Variants in MARCHF4 observed in about 807,000 individuals in gnomAD.
The protein encoded by MARCHF4 is membrane associated ring-CH-type finger 4.
Under a neutral mutation model 43.9 loss-of-function variants are expected in MARCHF4, and 14 were observed. The ratio of observed to expected loss-of-function variants is 0.32; its 90% CI spans 0.21 to 0.50. The LOEUF (loss-of-function observed/expected upper bound fraction) is 0.50, where lower values mean the gene tolerates loss of function less well. MARCHF4 is among the 20% of genes least tolerant of loss of function. MARCHF4 has a pLI of 0.98. For synonymous variants in MARCHF4, 226 were observed against 213.3 expected (o/e 1.06, Z -0.52); for missense variants, 468 against 536.7 (o/e 0.87, Z 1.27).
chr2:216,287,715 C>A (rs990509810), intron 1 of MARCHF4, among the ~76,000 whole-genome samples: 1 of 151,324 alleles, frequency 6.6e-6, no homozygotes, highest in African/African-American at 2.4e-5. Context: ...GTGCAGTACA[C>A]CAACATGGCA....
intron 1 of MARCHF4, among the ~76,000 whole-genome samples, chr2:216,328,926 T>C (rs1692040067): frequency 2.0e-5 from 3 of 152,134 alleles, no homozygotes; most frequent in Middle Eastern, 6.8e-3. Flanking sequence ...TAATTCCAGC[T>C]ACTCTGGAGG....
At chr2:216,308,245 A>G (rs1461203592) in intron 1 of MARCHF4, among the ~76,000 whole-genome samples, 1 of 152,114 alleles carries the variant, frequency 6.6e-6, no homozygotes, top group Non-Finnish European at 1.5e-5. Context: ...CTAACTCTCA[A>G]AAATACAAAA....
chr2:216,323,570 A>T (rs956111993), intron 1 of MARCHF4, among the ~76,000 whole-genome samples: 1 of 152,140 alleles, frequency 6.6e-6, no homozygotes, highest in Non-Finnish European at 1.5e-5. Context: ...GAAGTAAAGC[A>T]CTCCTCAGCA....
intron 1 of MARCHF4, among the ~76,000 whole-genome samples, chr2:216,288,859 G>A (rs1220686391): frequency 2.0e-5 from 3 of 152,018 alleles, no homozygotes; most frequent in Non-Finnish European, 4.4e-5. Flanking sequence ...AGAGCTCTCT[G>A]CTCTTTCTCT....
chr2:216,329,207 C>T (rs1482658680), intron 1 of MARCHF4, among the ~76,000 whole-genome samples: 3 of 152,034 alleles, frequency 2.0e-5, no homozygotes, highest in Non-Finnish European at 4.4e-5. Flanking sequence ...GGTGAAACCC[C>T]GTCTCTACTA....
chr2:216,294,689 T>C (rs1310881636), intron 1 of MARCHF4, among the ~76,000 whole-genome samples: 2 of 152,350 alleles, frequency 1.3e-5, no homozygotes, highest in East Asian at 3.9e-4. Context: ...CCAGAGATTC[T>C]GATTCCATGA....
intron 3 of MARCHF4, among the ~76,000 whole-genome samples, chr2:216,267,556 C>T (rs1344136957): frequency 2.0e-5 from 3 of 152,138 alleles, no homozygotes; most frequent in Non-Finnish European, 4.4e-5. Context: ...TGGGTTAAAC[C>T]ACTGACACAT....
At chr2:216,325,112 C>A (rs1180141859) in intron 1 of MARCHF4, among the ~76,000 whole-genome samples, 3 of 152,212 alleles carry the variant, frequency 2.0e-5, no homozygotes, top group East Asian at 1.9e-4. Context: ...GCAACCTCAT[C>A]AAAGTCTCAG....
At chr2:216,365,026 G>C (rs566402647) in intron 1 of MARCHF4, among the ~76,000 whole-genome samples, 1 of 152,224 alleles carries the variant, frequency 6.6e-6, no homozygotes, top group African/African-American at 2.4e-5. Flanking sequence ...GTTAGGGATG[G>C]GTCTCTTCTT....
chr2:216,327,957 C>CA (rs113198806), intron 1 of MARCHF4, among the ~76,000 whole-genome samples: 8,126 of 87,844 alleles, frequency 0.093, 265 homozygotes, highest in Middle Eastern at 0.16. Flanking sequence ...TATTAGCTTG[C>CA]AAAAAAAAAA....
intron 1 of MARCHF4, among the ~76,000 whole-genome samples, chr2:216,309,425 T>C (rs1345944726): frequency 3.9e-5 from 6 of 152,218 alleles, no homozygotes; most frequent in African/African-American, 9.6e-5. Context: ...TAGGACACTT[T>C]CCTTTGCTTA....
At chr2:216,286,375 CA>C (rs1274492183) in intron 1 of MARCHF4, among the ~76,000 whole-genome samples, 6 of 151,928 alleles carry the variant, frequency 3.9e-5, no homozygotes, top group African/African-American at 1.5e-4. Flanking sequence ...CCCATCTCTA[CA>C]AAAAATATAA....
intron 3 of MARCHF4, 132 bp downstream of exon 3, chr2:216,277,540 T>C: frequency 2.2e-6 from 2 of 921,756 alleles, no homozygotes; most frequent in Non-Finnish European, 3.3e-6. Context: ...CTCTGGCCTC[T>C]CCTGAGCTCC....
chr2:216,370,133 C>A lies in MARCHF4; in HGVS notation c.128G>T (p.Arg43Leu). ...RHQGLLKCRC[R>L]MLFNDLKVFL... ...AACCTTCAGGTCATTGAAGAGCATGCGGCAGCGGCACTTGAGGAGACCCTG... is the reference window on the plus strand; with the variant it reads ...AACCTTCAGGTCATTGAAGAGCATGAGGCAGCGGCACTTGAGGAGACCCTG... Residue 43 changes from arginine to leucine, a missense_variant, in exon 1 of 4, where the codon CGC becomes CTC. Transcript: ENST00000273067. The A allele has an allele frequency of 1.9e-6, 3 of 1,606,192 alleles. No individual in the cohort carries two copies. The highest frequency in any genetic ancestry group is 2.5e-6 in the Non-Finnish European group (3 of 1,176,674).
chr2:216,319,257 G>A (rs181714310), intron 1 of MARCHF4, among the ~76,000 whole-genome samples: 7 of 152,094 alleles, frequency 4.6e-5, no homozygotes, highest in Admixed American at 2.0e-4. Context: ...GCAGTGAGCC[G>A]AAATCGTGCC....
At chr2:216,262,274 G>T (rs1320119725) in intron 3 of MARCHF4, among the ~76,000 whole-genome samples, 3 of 152,204 alleles carry the variant, frequency 2.0e-5, no homozygotes, top group African/African-American at 7.2e-5. Context: ...TAAATCTGAA[G>T]TGAATCTAGT....
intron 3 of MARCHF4, among the ~76,000 whole-genome samples, chr2:216,263,435 AAGAGAGAGAG>A (rs10557836): frequency 1.8e-4 from 25 of 137,240 alleles, no homozygotes; most frequent in Non-Finnish European, 1.5e-5. Context: ...CTGAAAGAGA[AAGAGAGAGAG>A]AGAGAGAGAG....
Position 216,336,742 on chromosome 2 carries a change from T to TAAAAAAAAAAAAAAAAAAAAAAAAAAA in MARCHF4, c.516+33002_516+33003insTTTTTTTTTTTTTTTTTTTTTTTTTTT, listed in dbSNP as rs58031229. On this transcript the variant is annotated intron_variant, in intron 1 of 3. Transcript: ENST00000273067. ...GGCAAATGGGAAAGGCAAATAGATTTAAAAAAAAAAAAAAAAAAAAAAAAA... is the reference window on the plus strand; with the variant it reads ...GGCAAATGGGAAAGGCAAATAGATTTAAAAAAAAAAAAAAAAAAAAAAAAAAAAAAAAAAAAAAAAAAAAAAAAAAAA... Among the ~76,000 whole-genome samples, 29 of 55,662 alleles carry TAAAAAAAAAAAAAAAAAAAAAAAAAAA rather than the reference T, an allele frequency of 5.2e-4. 3 individuals are homozygous for TAAAAAAAAAAAAAAAAAAAAAAAAAAA. The highest frequency in any genetic ancestry group is 4.0e-3 in the East Asian group (3 of 756). The allele number at this position is 55,662 out of a possible 152,430, so 36.5% of individuals were successfully genotyped here. A position where few individuals can be genotyped will look rare whatever the true frequency, so the allele number is the denominator to read the frequency against.
At chr2:216,277,401 C>T (rs571496473) in intron 3 of MARCHF4, among the ~76,000 whole-genome samples, 1 of 152,162 alleles carries the variant, frequency 6.6e-6, no homozygotes, top group South Asian at 2.1e-4. Context: ...ACAATTTTTC[C>T]CAAATCCTCC....
Sources: gnomAD v4.1 joint callset for allele counts (sites outside exome capture counted in the v4.1 genomes callset) on GRCh38, gnomAD v4.1.1 for gene constraint, MANE v1.5 for transcripts, NCBI Gene and HGNC (gene_info 2026-07-23, HGNC 2026-07-21) for gene names.